MAP3K5: variants seen among roughly 807,000 people sequenced by gnomAD.
The protein encoded by MAP3K5 is mitogen-activated protein kinase kinase kinase 5.
A neutral mutation model predicts 158.7 loss-of-function variants in MAP3K5; 56 were observed. The observed-to-expected ratio is 0.35, with a 90% CI of 0.28 to 0.44. MAP3K5 has a LOEUF of 0.44. Ranked by LOEUF, MAP3K5 falls within the 20% of genes least tolerant of loss-of-function variation. The pLI is 1.00. For synonymous variants in MAP3K5, 579 were observed against 601.7 expected (o/e 0.96, Z 0.55); for missense variants, 1,294 against 1,674.8 (o/e 0.77, Z 3.97).
chr6:136,583,887 T>A, intron 23 of MAP3K5, 147 bp from the exon 24 acceptor site: 1 of 667,676 alleles, frequency 1.5e-6, no homozygotes, highest in Non-Finnish European at 2.4e-6. Context: ...GGTCTCGAAC[T>A]CCTGGGCTCA....
intron 11 of MAP3K5, among the ~76,000 whole-genome samples, chr6:136,646,883 G>T (rs1008672981): frequency 2.0e-5 from 3 of 152,186 alleles, no homozygotes; most frequent in African/African-American, 7.2e-5. Flanking sequence ...TCCACTTGGA[G>T]TCTTGCCATT....
chr6:136,720,645 G>C, intron 1 of MAP3K5, 56 bp from the exon 2 acceptor site: 1 of 1,372,010 alleles, frequency 7.3e-7, no homozygotes, highest in Non-Finnish European at 1.0e-6. Flanking sequence ...TGCCCAATCA[G>C]CACATTTTGG....
At chr6:136,712,702 C>T (rs1452649269) in intron 2 of MAP3K5, among the ~76,000 whole-genome samples, 3 of 152,262 alleles carry the variant, frequency 2.0e-5, no homozygotes, top group South Asian at 2.1e-4. Flanking sequence ...AATCTCAACT[C>T]GAATTGTAGC....
chr6:136,651,175 G>T, intron 10 of MAP3K5, 84 bp from the exon 11 acceptor site: 1 of 657,584 alleles, frequency 1.5e-6, no homozygotes, highest in Non-Finnish European at 2.7e-6. Context: ...CAGCACCAAC[G>T]TAGAGGATTA....
chr6:136,674,825 AT>A (rs1779637562), intron 7 of MAP3K5, among the ~76,000 whole-genome samples: 1 of 151,998 alleles, frequency 6.6e-6, no homozygotes, highest in African/African-American at 2.4e-5. Context: ...GGAAATGCTC[AT>A]TGGAGCATTT....
intron 1 of MAP3K5, among the ~76,000 whole-genome samples, chr6:136,789,470 T>C (rs748190932): frequency 6.6e-6 from 1 of 151,910 alleles, no homozygotes; most frequent in Non-Finnish European, 1.5e-5. Flanking sequence ...CCTGTCTAGG[T>C]TGAAAGAAGC....
At chr6:136,650,780 C>T (rs770183227) in intron 11 of MAP3K5, among the ~76,000 whole-genome samples, 4 of 152,052 alleles carry the variant, frequency 2.6e-5, no homozygotes, top group Non-Finnish European at 5.9e-5. Context: ...CCAAATAGTT[C>T]AATTATATTT....
chr6:136,731,967 C>T (rs1259961020), intron 1 of MAP3K5, among the ~76,000 whole-genome samples: 2 of 151,958 alleles, frequency 1.3e-5, no homozygotes, highest in South Asian at 2.1e-4. Context: ...GGAGATTGTA[C>T]GCATTTTTGA....
intron 1 of MAP3K5, among the ~76,000 whole-genome samples, chr6:136,786,096 G>A (rs1784833071): frequency 6.6e-6 from 1 of 152,112 alleles, no homozygotes; most frequent in East Asian, 1.9e-4. Flanking sequence ...ATTTAGGGCT[G>A]GGCGCGGTGG....
chr6:136,627,232 T>G (rs560279432), intron 14 of MAP3K5, among the ~76,000 whole-genome samples: 3 of 152,136 alleles, frequency 2.0e-5, no homozygotes, highest in Non-Finnish European at 4.4e-5. Flanking sequence ...CTCACCGGAG[T>G]TGCCTCAGAA....
rs1279692787 is a variant in MAP3K5, at chr6:136,792,323, G to A, written c.-166C>T. The A allele has an allele frequency of 9.7e-7, 1 of 1,027,232 alleles. No individual in the cohort carries two copies. Among genetic ancestry groups the A allele is most frequent in the Non-Finnish European group, 1.2e-6 (1 of 861,348 alleles). The allele number at this position is 1,027,232 out of a possible 1,614,324, so 63.6% of individuals were successfully genotyped here. A position where few individuals can be genotyped will look rare whatever the true frequency, so the allele number is the denominator to read the frequency against. On this transcript the variant is annotated 5_prime_UTR_variant, in exon 1 of 30. Coordinates refer to ENST00000359015, the MANE Select transcript of MAP3K5 (RefSeq NM_005923.4). The surrounding 1 kb of genome is among the most constrained non-coding windows in gnomAD (Gnocchi z 5.7). ...TCCTCTCCGGCGCCCTCTCCCCCGA[G>A]GGCACGCCGCTGCCCGGCGGCGGCT...
intron 18 of MAP3K5, among the ~76,000 whole-genome samples, chr6:136,608,683 C>T (rs1205047871): frequency 2.0e-5 from 3 of 152,150 alleles, no homozygotes; most frequent in African/African-American, 7.2e-5. Flanking sequence ...GCAAGTTATT[C>T]AACCTCTTTG....
intron 1 of MAP3K5, among the ~76,000 whole-genome samples, chr6:136,728,394 AG>A (rs1256637156): frequency 3.3e-5 from 5 of 152,152 alleles, no homozygotes; most frequent in Non-Finnish European, 5.9e-5. Flanking sequence ...AGTTTTCTAA[AG>A]TTTGGCAAGT....
At chr6:136,672,034 C>T (rs1307346084) in intron 7 of MAP3K5, among the ~76,000 whole-genome samples, 1 of 152,052 alleles carries the variant, frequency 6.6e-6, no homozygotes, top group Non-Finnish European at 1.5e-5. Context: ...ATTACAAGGG[C>T]ATTTGTTACA....
chr6:136,645,871 A>T (rs1365273965), intron 11 of MAP3K5, among the ~76,000 whole-genome samples: 1 of 152,210 alleles, frequency 6.6e-6, no homozygotes, highest in Non-Finnish European at 1.5e-5. Context: ...TGATAAATGA[A>T]AAGCTACATT....
At position 136,669,274 on chromosome 6, in the gene MAP3K5, T is replaced by C; in HGVS notation, c.1366+9A>G. On this transcript the variant is annotated intron_variant, in intron 8 of 29. Coordinates refer to ENST00000359015, the MANE Select transcript of MAP3K5 (RefSeq NM_005923.4). ...TTGATTTCCATGTAAAATATCAAGTTGTAATTACCAACTTTCCGGAGCTCA... is the reference window on the plus strand; with the variant it reads ...TTGATTTCCATGTAAAATATCAAGTCGTAATTACCAACTTTCCGGAGCTCA... 6.3e-7 allele frequency: 1 copy of C among 1,582,280 alleles called. No homozygotes were observed. Among genetic ancestry groups the C allele is most frequent in the Non-Finnish European group, 8.7e-7 (1 of 1,151,618 alleles).
At chr6:136,772,064 A>G (rs1784221844) in intron 1 of MAP3K5, among the ~76,000 whole-genome samples, 1 of 132,768 alleles carries the variant, frequency 7.5e-6, no homozygotes, top group Non-Finnish European at 1.6e-5. Context: ...GTGTGCCACC[A>G]CGCCCAATTA....
rs1783361344 is a variant in MAP3K5, at chr6:136,754,280, A to AC, written c.449-33692_449-33691insG. On this transcript the variant is annotated intron_variant, in intron 1 of 29. Transcript: ENST00000359015. ...AGAGCAAGACTCGATAAAAAAAAAA[A>AC]AGAAAAGAAAATCCCAGGCTGGGTG... 3.3e-5 allele frequency among the ~76,000 whole-genome samples: 5 copies of AC among 151,666 alleles called. No individual in the cohort carries two copies. The South Asian group carries it at 1.0e-3, about 32-fold the overall frequency.
At chr6:136,643,505 G>A (rs1467984788) in intron 11 of MAP3K5, among the ~76,000 whole-genome samples, 1 of 152,168 alleles carries the variant, frequency 6.6e-6, no homozygotes, top group Non-Finnish European at 1.5e-5. Context: ...GTCTTGCCTG[G>A]GCTAATAAAA....
Sources: gnomAD v4.1 joint callset for allele counts (sites outside exome capture counted in the v4.1 genomes callset) on GRCh38, gnomAD v4.1.1 for gene constraint, Gnocchi (gnomAD v3.1) non-coding constraint, MANE v1.5 for transcripts, NCBI Gene and HGNC (gene_info 2026-07-23, HGNC 2026-07-21) for gene names.